Variants in CTNNA3 observed in about 807,000 individuals in gnomAD.
CTNNA3 encodes catenin alpha 3, also known as catenin alpha-3.
CTNNA3 carries 76 observed loss-of-function variants against 95.7 expected under a neutral mutation model. The ratio of observed to expected loss-of-function variants is 0.79; its 90% confidence interval spans 0.66 to 0.96. The LOEUF (loss-of-function observed/expected upper bound fraction) is 0.96, where lower values mean the gene tolerates loss of function less well. Among genes scored for constraint, CTNNA3 ranks in the 40% least tolerant of loss-of-function variants. The pLI, the probability that CTNNA3 is intolerant of heterozygous loss-of-function variation, is 0.00. For missense variants in CTNNA3, 1,191 were observed against 1,089.8 expected (o/e 1.09, Z -1.31); for synonymous variants, 431 against 374.4 (o/e 1.15, Z -1.74).
At position 67,237,607 on chromosome 10, in the gene CTNNA3, C is replaced by T. The variant is rs1865548969; in HGVS notation, c.580-17737G>A. On this transcript the variant is annotated intron_variant, in intron 5 of 17. Coordinates refer to ENST00000433211, the MANE Select transcript of CTNNA3 (RefSeq NM_013266.4). ...TAATAGAAAAAAAAAGAAGCTATCCCTATGAGCAATGCAGAACAAAAGAGC... is the reference window on the plus strand; with the variant it reads ...TAATAGAAAAAAAAAGAAGCTATCCTTATGAGCAATGCAGAACAAAAGAGC... 2.0e-5 allele frequency among the ~76,000 whole-genome samples: 3 copies of T among 151,940 alleles called. No individual in the cohort carries two copies. In the South Asian group the frequency reaches 6.2e-4, roughly 32 times the overall value.
intron 9 of CTNNA3, among the ~76,000 whole-genome samples, chr10:66,638,354 A>C (rs1845404869): frequency 6.6e-6 from 1 of 152,180 alleles, no homozygotes; most frequent in Non-Finnish European, 1.5e-5. Flanking sequence ...TATTTAGCCT[A>C]TTAATTTCAA....
chr10:66,843,945 C>T (rs1843159193), intron 7 of CTNNA3, among the ~76,000 whole-genome samples: 1 of 152,164 alleles, frequency 6.6e-6, no homozygotes. Context: ...CTTTGTTTGA[C>T]AAATAATTGA....
chr10:67,109,011 CTGTTT>C (rs1200488300), intron 7 of CTNNA3, among the ~76,000 whole-genome samples: 2 of 149,436 alleles, frequency 1.3e-5, no homozygotes, highest in African/African-American at 2.4e-5. Flanking sequence ...CAGAAGTTTT[CTGTTT>C]TGTTTTGTTT....
rs1254864018 is a variant in CTNNA3, at chr10:66,170,018, A to G, written c.1885-66769T>C. On this transcript the variant is annotated intron_variant, in intron 13 of 17. Transcript: ENST00000433211. ...TTCTTTTTCTGTGCAAAAGCCCCTT[A>G]GTTTAGTTAAATCCCACTTATTTAT... Among the ~76,000 whole-genome samples, 3 of 152,000 alleles carry G rather than the reference A, an allele frequency of 2.0e-5. No individual in the cohort carries two copies. The East Asian group carries it at 5.8e-4, about 29-fold the overall frequency.
intron 17 of CTNNA3, among the ~76,000 whole-genome samples, chr10:65,927,959 T>C (rs2077192440): frequency 6.6e-6 from 1 of 152,138 alleles, no homozygotes; most frequent in Admixed American, 6.5e-5. Flanking sequence ...TCACACTTGG[T>C]ATTTTGATAT....
At chr10:67,663,812 A>G (rs909651138) in intron 1 of CTNNA3, among the ~76,000 whole-genome samples, 1 of 152,158 alleles carries the variant, frequency 6.6e-6, no homozygotes, top group Non-Finnish European at 1.5e-5. Context: ...TCTTTTTTCA[A>G]TTCTGCTCTC....
intron 15 of CTNNA3, among the ~76,000 whole-genome samples, chr10:66,035,142 C>T (rs991646476): frequency 6.6e-6 from 1 of 151,952 alleles, no homozygotes; most frequent in African/African-American, 2.4e-5. Context: ...ATCTGTTTAC[C>T]AGCATATCTT....
intron 7 of CTNNA3, among the ~76,000 whole-genome samples, chr10:67,125,889 T>C (rs978387448): frequency 2.6e-5 from 4 of 152,176 alleles, no homozygotes; most frequent in Non-Finnish European, 5.9e-5. Flanking sequence ...GATGCTCAAC[T>C]AGAAAAAACT....
At chr10:67,386,042 A>C (rs1844147948) in intron 5 of CTNNA3, among the ~76,000 whole-genome samples, 1 of 152,212 alleles carries the variant, frequency 6.6e-6, no homozygotes. Flanking sequence ...TGTTTCGAGC[A>C]TCTAAAAATG....
intron 13 of CTNNA3, among the ~76,000 whole-genome samples, chr10:66,164,623 C>T (rs551965475): frequency 1.3e-5 from 2 of 151,476 alleles, no homozygotes; most frequent in South Asian, 2.1e-4. Context: ...ATAATCCCAA[C>T]GTGAACTAGA....
intron 13 of CTNNA3, among the ~76,000 whole-genome samples, chr10:66,227,285 T>C (rs966319584): frequency 7.9e-5 from 12 of 152,142 alleles, no homozygotes; most frequent in African/African-American, 2.9e-4. Context: ...AAGCTTTCAG[T>C]TTTCTCCATT....
At chr10:66,543,236 G>A (rs957839071) in intron 10 of CTNNA3, among the ~76,000 whole-genome samples, 1 of 151,994 alleles carries the variant, frequency 6.6e-6, no homozygotes, top group African/African-American at 2.4e-5. Context: ...GGGATTACAG[G>A]TCTCTGCCAC....
intron 5 of CTNNA3, among the ~76,000 whole-genome samples, chr10:67,417,613 G>A (rs982957319): frequency 6.6e-6 from 1 of 151,744 alleles, no homozygotes; most frequent in Non-Finnish European, 1.5e-5. Flanking sequence ...ACAAAAGATA[G>A]GGTTGTCACA....
intron 16 of CTNNA3, among the ~76,000 whole-genome samples, chr10:65,975,948 C>T (rs750855791): frequency 2.6e-5 from 4 of 152,060 alleles, no homozygotes; most frequent in Non-Finnish European, 5.9e-5. Context: ...TTTTATCTGT[C>T]ATCTATAATT....
chr10:66,471,601 T>A (rs1044198616), intron 11 of CTNNA3, among the ~76,000 whole-genome samples: 2 of 151,908 alleles, frequency 1.3e-5, no homozygotes, highest in Non-Finnish European at 2.9e-5. Flanking sequence ...TGCTGAATGT[T>A]CTTCAGTTGT....
chr10:66,018,531 G>GTA (rs1440548448), intron 15 of CTNNA3, among the ~76,000 whole-genome samples: 1 of 151,910 alleles, frequency 6.6e-6, no homozygotes, highest in Non-Finnish European at 1.5e-5. Context: ...TTCTTTATAA[G>GTA]CACTCACAAT....
intron 13 of CTNNA3, among the ~76,000 whole-genome samples, chr10:66,134,961 A>G (rs1004435452): frequency 6.6e-6 from 1 of 152,194 alleles, no homozygotes; most frequent in African/African-American, 2.4e-5. Flanking sequence ...TGGTACTGGT[A>G]AAATGATTCT....
rs562904240 is a variant in CTNNA3 at position 67,142,750 on chromosome 10, G to A, written c.1047+37567C>T. Among the ~76,000 whole-genome samples the A allele has an allele frequency of 5.3e-5, 8 of 152,208 alleles. No individual in the cohort carries two copies. The South Asian group carries it at 1.0e-3, about 20-fold the overall frequency. ...AGATCAAGACCATCTTGGCCAACAC[G>A]GTGAAACCCCGCCTCTAGTAAGATA... On this transcript the variant is annotated intron_variant, in intron 7 of 17. Transcript: ENST00000433211.
At position 67,696,002 on chromosome 10, in the gene CTNNA3, TTC is replaced by T. The variant is rs1384913540; in HGVS notation, c.-10_-9del. The T allele has an allele frequency of 6.6e-6, 1 of 152,172 alleles. No homozygotes were observed. Among genetic ancestry groups the T allele is most frequent in the African/African-American group, 2.4e-5 (1 of 41,444 alleles). 9.4% of individuals were successfully genotyped at this position (152,172 alleles called of 1,614,324 possible). A position where few individuals can be genotyped will look rare whatever the true frequency, so the allele number is the denominator to read the frequency against. On this transcript the variant is annotated 5_prime_UTR_variant, in exon 1 of 18. Transcript: ENST00000433211. ...CTCTTTACAAACTTGATTCTTACCT[TTC>T]TGTTTCTTCCTATAAAGTAAATGGG...
Sources: gnomAD v4.1 joint callset for allele counts (sites outside exome capture counted in the v4.1 genomes callset) on GRCh38, gnomAD v4.1.1 for gene constraint, MANE v1.5 for transcripts, NCBI Gene and HGNC (gene_info 2026-07-23, HGNC 2026-07-21) for gene names.